RGS8: variants seen among roughly 807,000 people sequenced by gnomAD.
The protein encoded by RGS8 is regulator of G protein signaling 8.
In RGS8, 8 loss-of-function variants were observed where a neutral mutation model predicts 21.7. The ratio of observed to expected loss-of-function variants is 0.37; its 90% CI spans 0.22 to 0.66. The LOEUF (loss-of-function observed/expected upper bound fraction) is 0.66, where lower values mean the gene tolerates loss of function less well. RGS8 is among the 30% of genes least tolerant of loss of function. RGS8 has a pLI of 0.59. For synonymous variants in RGS8, 80 were observed against 83.6 expected (o/e 0.96, Z 0.24); for missense variants, 157 against 217.9 (o/e 0.72, Z 1.76).
chr1:182,736,691 C>G, the RGS8 span, among the ~76,000 whole-genome samples: 1 of 152,206 alleles, frequency 6.6e-6, no homozygotes, highest in Non-Finnish European at 1.5e-5. Context: ...TAATCCCCTA[C>G]CATGCAGTGT....
At chr1:182,712,302 AACTCAT>A in the RGS8 span, among the ~76,000 whole-genome samples, 180 of 152,324 alleles carry the variant, frequency 1.2e-3, no homozygotes, top group African/African-American at 4.1e-3. Context: ...TCAGAATGTA[AACTCAT>A]ACAGCTACTT....
At chr1:182,721,254 G>T in the RGS8 span, among the ~76,000 whole-genome samples, 1 of 151,720 alleles carries the variant, frequency 6.6e-6, no homozygotes, top group Non-Finnish European at 1.5e-5. Flanking sequence ...CTAGAAATTG[G>T]GATGCCACAG....
the RGS8 span, among the ~76,000 whole-genome samples, chr1:182,740,760 A>T: frequency 6.6e-6 from 1 of 150,668 alleles, no homozygotes; most frequent in Non-Finnish European, 1.5e-5. Context: ...ATGACTCTTA[A>T]GGAGCATGCT....
the RGS8 span, among the ~76,000 whole-genome samples, chr1:182,709,534 C>G: frequency 6.6e-6 from 1 of 152,160 alleles, no homozygotes; most frequent in African/African-American, 2.4e-5. Flanking sequence ...GTTTATTTAG[C>G]TCTTGGTGAA....
At chr1:182,721,057 A>ACACATATATATG in the RGS8 span, among the ~76,000 whole-genome samples, 2 of 103,790 alleles carry the variant, frequency 1.9e-5, 1 homozygote, top group Non-Finnish European at 3.8e-5. Context: ...ATACATATAT[A>ACACATATATATG]TGTGTGTATA....
At chr1:182,723,915 T>G in the RGS8 span, among the ~76,000 whole-genome samples, 14 of 152,014 alleles carry the variant, frequency 9.2e-5, no homozygotes, top group Admixed American at 2.0e-4. Context: ...AATTTGAAAA[T>G]CGGGCAGCCC....
chr1:182,687,844 C>T (rs1157438501), upstream of RGS8, among the ~76,000 whole-genome samples: 1 of 152,138 alleles, frequency 6.6e-6, no homozygotes. Context: ...ACAGAAAATA[C>T]AGAAATAAAG....
chr1:182,702,148 A>G, the RGS8 span, among the ~76,000 whole-genome samples: 5 of 152,240 alleles, frequency 3.3e-5, no homozygotes, highest in Non-Finnish European at 7.3e-5. Context: ...AGCAAAGACA[A>G]GGACTCAACC....
chr1:182,699,626 C>T, the RGS8 span, among the ~76,000 whole-genome samples: 1 of 152,236 alleles, frequency 6.6e-6, no homozygotes, highest in African/African-American at 2.4e-5. Flanking sequence ...TGTGCTGTGG[C>T]TCCCCAAAGC....
At chr1:182,712,005 T>C in the RGS8 span, among the ~76,000 whole-genome samples, 1 of 152,188 alleles carries the variant, frequency 6.6e-6, no homozygotes, top group East Asian at 1.9e-4. Context: ...TTTTAGAGCT[T>C]ATTAAATGTC....
the RGS8 span, among the ~76,000 whole-genome samples, chr1:182,696,820 CTTGG>C: frequency 1.3e-5 from 2 of 152,268 alleles, no homozygotes; most frequent in Admixed American, 1.3e-4. Context: ...CTGGGGCAGG[CTTGG>C]TTGATCTTTG....
chr1:182,728,432 G>C, the RGS8 span, among the ~76,000 whole-genome samples: 1 of 152,148 alleles, frequency 6.6e-6, no homozygotes. Flanking sequence ...ACCCACTCTA[G>C]CTAGCACAAG....
At chr1:182,733,398 G>T in the RGS8 span, among the ~76,000 whole-genome samples, 4 of 152,164 alleles carry the variant, frequency 2.6e-5, no homozygotes, top group African/African-American at 9.7e-5. Context: ...TATGTTTACT[G>T]GTTGACTGCT....
intron 3 of RGS8, among the ~76,000 whole-genome samples, chr1:182,668,109 A>G (rs975737242): frequency 6.6e-6 from 1 of 152,244 alleles, no homozygotes; most frequent in Non-Finnish European, 1.5e-5. Context: ...GCTGCTTTCA[A>G]CTACAAGGGC....
chr1:182,675,536 C>T (rs779189436), upstream of RGS8, among the ~76,000 whole-genome samples: 1 of 152,190 alleles, frequency 6.6e-6, no homozygotes, highest in Middle Eastern at 3.2e-3. Flanking sequence ...GGCTCCATTG[C>T]ACCTCCTTGT....
the RGS8 span, among the ~76,000 whole-genome samples, chr1:182,691,369 G>A: frequency 2.6e-5 from 4 of 152,138 alleles, no homozygotes; most frequent in Non-Finnish European, 2.9e-5. Context: ...CAAAGGCAAC[G>A]AAATGAAATC....
the RGS8 span, among the ~76,000 whole-genome samples, chr1:182,730,821 A>G: frequency 6.6e-6 from 1 of 152,202 alleles, no homozygotes; most frequent in Non-Finnish European, 1.5e-5. Context: ...AATGTTGTGG[A>G]ACACTACAAC....
At chr1:182,669,644 C>T (rs747431127) in exon 3 of RGS8, 23 of 1,614,180 alleles carry the variant, frequency 1.4e-5, no homozygotes, top group East Asian at 2.2e-5. Context: ...TCAGTAAGGC[C>T]GCCATACAGG....
At chr1:182,721,747 T>C in the RGS8 span, among the ~76,000 whole-genome samples, 2 of 152,116 alleles carry the variant, frequency 1.3e-5, no homozygotes, top group African/African-American at 4.8e-5. Flanking sequence ...AACACAAAGA[T>C]GAAAGGTCAG....
Sources: allele counts gnomAD v4.1 joint callset (sites outside exome capture counted in the v4.1 genomes callset), GRCh38; gene constraint gnomAD v4.1.1; transcripts MANE v1.5; gene names NCBI Gene and HGNC (gene_info 2026-07-23, HGNC 2026-07-21).